The following MPV17L variants were observed in gnomAD, a reference collection of about 807,000 sequenced individuals.
MPV17L encodes MPV17 mitochondrial inner membrane protein like.
Under a neutral mutation model 25.8 loss-of-function variants are expected in MPV17L, and 24 were observed. The observed-to-expected ratio is 0.93, with a 90% CI of 0.67 to 1.31. The LOEUF (loss-of-function observed/expected upper bound fraction) is 1.31. Among genes scored for constraint, MPV17L ranks in the 50% most tolerant of loss-of-function variants. MPV17L has a pLI of 0.00. For synonymous variants in MPV17L, 102 were observed against 115.3 expected (o/e 0.88, Z 0.74); for missense variants, 250 against 265.6 (o/e 0.94, Z 0.41).
chr16:15,408,496 G>A lies in MPV17L; in HGVS notation c.*384G>A, dbSNP rs181617669. ...AGATGAAGTTTTATACCAAAAAATA[G>A]TTCTTAGAGTGAATTTTAATTTACA... On this transcript the variant is annotated 3_prime_UTR_variant, in exon 4 of 4. Transcript: ENST00000396385. 2.6e-3 allele frequency: 407 copies of A among 157,186 alleles called. 3 individuals carry two copies. The highest frequency in any genetic ancestry group is 9.3e-3 in the African/African-American group (386 of 41,316). The allele number at this position is 157,186 out of a possible 1,614,324, so 9.7% of individuals were successfully genotyped here.
intron 1 of MPV17L, among the ~76,000 whole-genome samples, chr16:15,397,531 T>C (rs148702501): frequency 1.3e-5 from 2 of 152,230 alleles, no homozygotes; most frequent in Non-Finnish European, 2.9e-5. Flanking sequence ...TCTAGCATCA[T>C]TGCGATTTCT....
At chr16:15,397,495 C>T (rs1396122848) in intron 1 of MPV17L, among the ~76,000 whole-genome samples, 1 of 152,166 alleles carries the variant, frequency 6.6e-6, no homozygotes, top group African/African-American at 2.4e-5. Context: ...GATCCCCCGT[C>T]TGCTCACAGG....
intron 2 of MPV17L, among the ~76,000 whole-genome samples, 163 bp downstream of exon 2, chr16:15,401,020 G>A (rs1357208997): frequency 5.6e-5 from 7 of 125,148 alleles, no homozygotes; most frequent in African/African-American, 1.5e-4. Flanking sequence ...AATTTGACAC[G>A]TGTTTAATCA....
chr16:15,407,756 AAAAT>A (rs2050694310), intron 2 of MPV17L, 64 bp from the exon 3 acceptor site: 20 of 1,463,270 alleles, frequency 1.4e-5, no homozygotes, highest in South Asian at 6.3e-5. Context: ...AATAAAAAAC[AAAAT>A]AAATAAATAA....
At chr16:15,397,362 G>A (rs1253080656) in intron 1 of MPV17L, among the ~76,000 whole-genome samples, 1 of 152,198 alleles carries the variant, frequency 6.6e-6, no homozygotes. Flanking sequence ...GGGTCACTTA[G>A]GAGCTGATTT....
At chr16:15,400,912 ATATGTG>A in intron 2 of MPV17L, 55 bp downstream of exon 2, 11 of 1,090,244 alleles carry the variant, frequency 1.0e-5, no homozygotes, top group Non-Finnish European at 1.1e-5. Context: ...ATATGTATAT[ATATGTG>A]TATAAAAATA....
chr16:15,396,005 G>A lies in MPV17L; in HGVS notation c.108G>A (p.Gln36=), dbSNP rs2050576299. 1.3e-6 allele frequency: 2 copies of A among 1,521,314 alleles called. No homozygotes were observed. The highest frequency in any genetic ancestry group is 1.8e-6 in the Non-Finnish European group (2 of 1,140,816). 94.2% of individuals were successfully genotyped at this position (1,521,314 alleles called of 1,614,324 possible). ...SLVSAGDALQ[Q]RLQGREANWR... ...TCTCGGCCGGGGACGCGCTGCAACA[G>A]CGGCTGCAGGGCCGCGAGGCCAACT... Residue 36 remains glutamine (Q), a synonymous_variant, in exon 1 of 4, where the codon CAG becomes CAA. Coordinates refer to ENST00000396385, the MANE Select transcript of MPV17L (RefSeq NM_001128423.2).
Position 15,407,987 on chromosome 16 carries a change from T to C in MPV17L, c.466T>C (p.Cys156Arg), listed in dbSNP as rs1381103800. 2 of 1,614,030 alleles carry C rather than the reference T, an allele frequency of 1.2e-6. No individual in the cohort carries two copies. Among genetic ancestry groups the C allele is most frequent in the South Asian group, 2.2e-5 (2 of 91,080 alleles). The change falls in exon 4 of 4, where the codon TGT (cysteine) becomes CGT (arginine). Residue 156 changes from cysteine to arginine, a missense_variant. Cys to Arg is a radical substitution (Grantham distance 180). Coordinates refer to ENST00000396385, the MANE Select transcript of MPV17L (RefSeq NM_001128423.2). ...VQWRTAYAGVCGFLWATFICF... is the reference protein window; with the variant it reads ...VQWRTAYAGVRGFLWATFICF... ...ATGGAGAACAGCTTACGCTGGAGTC[T>C]GTGGTTTTCTCTGGGCCACCTTCAT...
chr16:15,400,983 AAG>A, intron 2 of MPV17L, 126 bp downstream of exon 2: 1 of 526,914 alleles, frequency 1.9e-6, no homozygotes. Flanking sequence ...TGACACATAT[AAG>A]TACATATTTT....
At chr16:15,403,329 A>T (rs1402898289) in intron 2 of MPV17L, among the ~76,000 whole-genome samples, 2 of 144,332 alleles carry the variant, frequency 1.4e-5, no homozygotes, top group East Asian at 4.2e-4. Context: ...AGATTGCGCC[A>T]CTGCACTCCA....
intron 2 of MPV17L, among the ~76,000 whole-genome samples, chr16:15,401,873 G>C (rs1288170764): frequency 6.6e-6 from 1 of 152,080 alleles, no homozygotes; most frequent in Non-Finnish European, 1.5e-5. Flanking sequence ...TTTAGTCCAT[G>C]TTCTCAGTGA....
chr16:15,400,631 G>A lies in MPV17L; in HGVS notation c.311-156G>A, dbSNP rs993241122. On this transcript the variant is annotated intron_variant, in intron 1 of 3. Coordinates refer to ENST00000396385, the MANE Select transcript of MPV17L (RefSeq NM_001128423.2). The stretch of plus-strand genomic sequence containing the variant: ...TCCCGTTACAGGCTTGAGCCACGGC[G>A]CCTGTCTATGTTCTCTTTTCACTGT... Among the ~76,000 whole-genome samples, 8 of 152,024 alleles carry A rather than the reference G, an allele frequency of 5.3e-5. No individual in the cohort carries two copies. The East Asian group carries it at 9.6e-4, about 18-fold the overall frequency.
chr16:15,408,139 C>G lies in MPV17L; in HGVS notation c.*27C>G. 2.6e-6 allele frequency: 4 copies of G among 1,527,028 alleles called. No individual in the cohort carries two copies. Among genetic ancestry groups the G allele is most frequent in the Non-Finnish European group, 3.5e-6 (4 of 1,128,196 alleles). The allele number at this position is 1,527,028 out of a possible 1,614,324, so 94.6% of individuals were successfully genotyped here. On this transcript the variant is annotated 3_prime_UTR_variant, in exon 4 of 4. Coordinates refer to ENST00000396385, the MANE Select transcript of MPV17L (RefSeq NM_001128423.2). ...AAGTCAAGGACTCTCTTAAAGGGAC[C>G]ACATTTTTTACCTAAAATGCACAGA...
chr16:15,403,643 G>A (rs1207429656), intron 2 of MPV17L, among the ~76,000 whole-genome samples: 2 of 149,430 alleles, frequency 1.3e-5, no homozygotes, highest in Non-Finnish European at 3.0e-5. Context: ...CTGCACACCA[G>A]CCTGAGTGAC....
At chr16:15,401,074 A>T (rs1308618235) in intron 2 of MPV17L, among the ~76,000 whole-genome samples, 1 of 28,344 alleles carries the variant, frequency 3.5e-5, no homozygotes, top group Admixed American at 4.8e-4. Flanking sequence ...ATATATATAT[A>T]TATATATATA....
At chr16:15,397,877 G>A (rs1417347665) in intron 1 of MPV17L, among the ~76,000 whole-genome samples, 7 of 152,024 alleles carry the variant, frequency 4.6e-5, no homozygotes, top group Non-Finnish European at 7.4e-5. Context: ...TGAGAGCTAG[G>A]GCCTCCTGTT....
intron 1 of MPV17L, among the ~76,000 whole-genome samples, chr16:15,398,227 G>A (rs1294026934): frequency 2.6e-5 from 4 of 151,918 alleles, no homozygotes; most frequent in Non-Finnish European, 4.4e-5. Flanking sequence ...CATTTTTAAT[G>A]GAGATGGGGT....
At chr16:15,398,360 A>G (rs2050605196) in intron 1 of MPV17L, among the ~76,000 whole-genome samples, 1 of 151,944 alleles carries the variant, frequency 6.6e-6, no homozygotes, top group Non-Finnish European at 1.5e-5. Flanking sequence ...TAATACTCTC[A>G]TATTACAAAT....
Position 15,395,853 on chromosome 16 carries a change from C to T in MPV17L, c.-45C>T, listed in dbSNP as rs2052060316. ...GAGGCCCGGACCCGGTGCAGGAAGA[C>T]GCCGACCACGCGGGCTCCTGATCGC... On this transcript the variant is annotated 5_prime_UTR_variant, in exon 1 of 4. In the 5' UTR this introduces an upstream ATG that the reference lacks. Transcript: ENST00000396385. The T allele has an allele frequency of 7.3e-7, 1 of 1,369,598 alleles. No homozygotes were observed. The highest frequency in any genetic ancestry group is 9.3e-7 in the Non-Finnish European group (1 of 1,071,052). 84.8% of individuals were successfully genotyped at this position (1,369,598 alleles called of 1,614,324 possible). A position where few individuals can be genotyped will look rare whatever the true frequency, so the allele number is the denominator to read the frequency against.
Sources: gnomAD v4.1 joint callset for allele counts (sites outside exome capture counted in the v4.1 genomes callset) on GRCh38, gnomAD v4.1.1 for gene constraint, MANE v1.5 for transcripts, NCBI Gene and HGNC (gene_info 2026-07-23, HGNC 2026-07-21) for gene names.